TENM2: variants seen among roughly 807,000 people sequenced by gnomAD.
TENM2 encodes teneurin transmembrane protein 2, also known as teneurin-2.
A neutral mutation model predicts 245.2 loss-of-function variants in TENM2; 52 were observed. That is an observed-to-expected ratio of 0.21 (90% CI 0.17 to 0.27). The LOEUF is 0.27. Ranked by LOEUF, TENM2 falls within the 10% of genes least tolerant of loss-of-function variation. The pLI, the probability that TENM2 is intolerant of heterozygous loss-of-function variation, is 1.00. For synonymous variants in TENM2, 1,363 were observed against 1,438.9 expected (o/e 0.95, Z 1.19); for missense variants, 3,046 against 3,666.8 (o/e 0.83, Z 4.37).
At chr5:167,351,066 T>C (rs868403347) in intron 1 of TENM2, among the ~76,000 whole-genome samples, 1 of 138,046 alleles carries the variant, frequency 7.2e-6, no homozygotes, top group African/African-American at 2.7e-5. Context: ...TATATACATA[T>C]GGATATATAT....
At chr5:168,116,013 ACT>A (rs1189334912) in intron 9 of TENM2, among the ~76,000 whole-genome samples, 10 of 151,972 alleles carry the variant, frequency 6.6e-5, no homozygotes, top group Admixed American at 5.9e-4. Flanking sequence ...AACAAACTTA[ACT>A]CTGTCTTAAA....
intron 25 of TENM2, among the ~76,000 whole-genome samples, chr5:168,234,450 G>A (rs191157934): frequency 3.9e-5 from 6 of 152,068 alleles, no homozygotes; most frequent in Admixed American, 2.6e-4. Context: ...GAAAAAAGAG[G>A]TGCCGTACCC....
At chr5:167,523,761 G>A (rs1276541519) in intron 2 of TENM2, among the ~76,000 whole-genome samples, 2 of 152,056 alleles carry the variant, frequency 1.3e-5, no homozygotes, top group Non-Finnish European at 2.9e-5. Flanking sequence ...GATTGACCAG[G>A]GGAGAGCTTG....
At chr5:167,537,094 C>A (rs956881567) in intron 2 of TENM2, among the ~76,000 whole-genome samples, 2 of 151,734 alleles carry the variant, frequency 1.3e-5, no homozygotes, top group Non-Finnish European at 2.9e-5. Context: ...TAAATGATTT[C>A]GAGGGAATGG....
intron 4 of TENM2, among the ~76,000 whole-genome samples, 189 bp downstream of exon 6, chr5:167,953,011 C>G (rs1184251214): frequency 6.6e-6 from 1 of 152,180 alleles, no homozygotes; most frequent in Non-Finnish European, 1.5e-5. Flanking sequence ...GGTATTTCTT[C>G]GTTCACATGT....
chr5:168,076,213 ATTTTATT>A (rs1157224173), intron 7 of TENM2, among the ~76,000 whole-genome samples: 1 of 97,568 alleles, frequency 1.0e-5, no homozygotes, highest in African/African-American at 3.5e-5. Context: ...ATTTTATTTT[ATTTTATT>A]TTATTTTATT....
chr5:167,594,824 G>A (rs769647977), intron 2 of TENM2, among the ~76,000 whole-genome samples: 9 of 152,238 alleles, frequency 5.9e-5, no homozygotes, highest in Non-Finnish European at 8.8e-5. Context: ...AATCTGATCC[G>A]TTCACTTATG....
intron 2 of TENM2, among the ~76,000 whole-genome samples, chr5:167,804,488 A>G (rs1192842627): frequency 6.6e-6 from 1 of 152,114 alleles, no homozygotes; most frequent in Non-Finnish European, 1.5e-5. Flanking sequence ...GCAAATTGGA[A>G]CAATAATAGT....
chr5:167,156,897 G>A, the TENM2 span, among the ~76,000 whole-genome samples: 1,380 of 152,310 alleles, frequency 9.1e-3, 22 homozygotes, highest in African/African-American at 0.032. Flanking sequence ...TTCTAAGGGA[G>A]TCTAATACCA....
the TENM2 span, among the ~76,000 whole-genome samples, chr5:166,992,911 C>T: frequency 6.6e-6 from 1 of 152,198 alleles, no homozygotes; most frequent in Non-Finnish European, 1.5e-5. Context: ...AAAGCTTCCT[C>T]AGCTAAGTAC....
At chr5:167,150,366 T>C in the TENM2 span, among the ~76,000 whole-genome samples, 2 of 152,196 alleles carry the variant, frequency 1.3e-5, no homozygotes, top group African/African-American at 4.8e-5. Context: ...AAAAAATTAT[T>C]ATGGGCAAAT....
chr5:167,692,933 CGGCTTGAT>C (rs915940912), intron 2 of TENM2, among the ~76,000 whole-genome samples: 4 of 152,146 alleles, frequency 2.6e-5, no homozygotes, highest in African/African-American at 7.2e-5. Flanking sequence ...GCTGCCTGGT[CGGCTTGAT>C]GGCTTGAGTT....
chr5:167,191,183 C>T, the TENM2 span, among the ~76,000 whole-genome samples: 1 of 152,134 alleles, frequency 6.6e-6, no homozygotes, highest in East Asian at 1.9e-4. Context: ...TATATATATA[C>T]ACCCACATAA....
chr5:167,636,731 G>C (rs1388970616), intron 2 of TENM2, among the ~76,000 whole-genome samples: 1 of 152,164 alleles, frequency 6.6e-6, no homozygotes, highest in African/African-American at 2.4e-5. Context: ...AACTTCAAAT[G>C]ATAGACTGAC....
At chr5:167,912,311 C>T (rs1265814657) in intron 3 of TENM2, among the ~76,000 whole-genome samples, 1 of 152,178 alleles carries the variant, frequency 6.6e-6, no homozygotes, top group Non-Finnish European at 1.5e-5. Flanking sequence ...GGCTTACTGT[C>T]ACTATGACAG....
chr5:168,010,336 C>G (rs1481306285), intron 5 of TENM2, among the ~76,000 whole-genome samples: 1 of 152,158 alleles, frequency 6.6e-6, no homozygotes, highest in African/African-American at 2.4e-5. Flanking sequence ...GTAAGACATC[C>G]AGGAGAAGTT....
At chr5:167,474,537 G>A (rs992429598) in intron 2 of TENM2, among the ~76,000 whole-genome samples, 22 of 143,592 alleles carry the variant, frequency 1.5e-4, no homozygotes, top group African/African-American at 4.4e-4. Flanking sequence ...TTTTTGAGAC[G>A]GAGTCTCACT....
At chr5:167,422,758 G>A (rs540733053) in intron 2 of TENM2, among the ~76,000 whole-genome samples, 157 of 152,230 alleles carry the variant, frequency 1.0e-3, no homozygotes, top group African/African-American at 3.5e-3. Context: ...ATGCCTCCAC[G>A]TGAATCCTGA....
chr5:167,545,584 G>A (rs1772506781), intron 2 of TENM2, among the ~76,000 whole-genome samples: 3 of 152,136 alleles, frequency 2.0e-5, no homozygotes, highest in Admixed American at 6.5e-5. Context: ...CTTTCTGATA[G>A]TGCATTATAC....
Sources: allele counts gnomAD v4.1 joint callset (sites outside exome capture counted in the v4.1 genomes callset), GRCh38; gene constraint gnomAD v4.1.1; transcripts MANE v1.5; gene names NCBI Gene and HGNC (gene_info 2026-07-23, HGNC 2026-07-21).